The following BABAM2 variants were observed in gnomAD, a reference collection of about 807,000 sequenced individuals.
BABAM2 encodes BRISC and BRCA1-A complex member 2.
BABAM2 carries 31 observed loss-of-function variants against 54.7 expected under a neutral mutation model. That is an observed-to-expected ratio of 0.57 (90% CI 0.43 to 0.77). The LOEUF is 0.77. Among genes scored for constraint, BABAM2 ranks in the 30% least tolerant of loss-of-function variants. BABAM2 has a pLI of 0.00. For missense variants in BABAM2, 364 were observed against 455.8 expected (o/e 0.80, Z 1.83); for synonymous variants, 167 against 162.9 (o/e 1.03, Z -0.19).
chr2:28,105,322 TGA>T (rs1667426902), intron 6 of BABAM2, among the ~76,000 whole-genome samples: 1 of 152,250 alleles, frequency 6.6e-6, no homozygotes, highest in Admixed American at 6.5e-5. Flanking sequence ...AACTAGTATG[TGA>T]GAGAGTCCTA....
At chr2:28,057,065 C>T (rs984234740) in intron 6 of BABAM2, among the ~76,000 whole-genome samples, 2 of 152,154 alleles carry the variant, frequency 1.3e-5, no homozygotes, top group African/African-American at 4.8e-5. Context: ...ATTCTTAGTC[C>T]TTTGCACTTT....
Position 28,045,803 on chromosome 2 carries a change from A to G in BABAM2, c.570+4A>G. 1 of 1,600,324 alleles carries G rather than the reference A, an allele frequency of 6.2e-7. No individual in the cohort carries two copies. Among genetic ancestry groups the G allele is most frequent in the Non-Finnish European group, 8.5e-7 (1 of 1,170,206 alleles). The stretch of plus-strand genomic sequence containing the variant: ...TATCCCCACATACCTTCTCAAGGTA[A>G]AAATATATGATTTTCAGTATGAGAA... On this transcript the variant is annotated splice_donor_region_variant and intron_variant, in intron 6 of 11. Transcript: ENST00000379624.
At chr2:27,908,500 T>G (rs1484071887) in intron 2 of BABAM2, among the ~76,000 whole-genome samples, 1 of 152,124 alleles carries the variant, frequency 6.6e-6, no homozygotes, top group East Asian at 1.9e-4. Context: ...CTCGAACTCT[T>G]GGACTCAAGC....
intron 6 of BABAM2, among the ~76,000 whole-genome samples, chr2:28,074,995 G>A (rs769493820): frequency 2.6e-5 from 4 of 152,166 alleles, no homozygotes; most frequent in African/African-American, 4.8e-5. Context: ...AGGAGGGCAA[G>A]TTGATGGAGC....
At chr2:28,299,340 T>C (rs1289663047) in intron 11 of BABAM2, among the ~76,000 whole-genome samples, 2 of 152,238 alleles carry the variant, frequency 1.3e-5, no homozygotes, top group African/African-American at 4.8e-5. Context: ...GAGTGTTTTT[T>C]ATATTTAAGA....
chr2:28,246,589 G>A (rs11127135), intron 10 of BABAM2, among the ~76,000 whole-genome samples: 123,812 of 152,090 alleles, frequency 0.81, 51,919 homozygotes, highest in East Asian at 1. Context: ...GACAATTGCA[G>A]ACACTAAGAT....
chr2:28,199,755 G>T (rs1678053292), intron 7 of BABAM2, among the ~76,000 whole-genome samples: 1 of 152,128 alleles, frequency 6.6e-6, no homozygotes, highest in South Asian at 2.1e-4. Context: ...GTGGGCAGCA[G>T]TGGAAGTTTG....
intron 7 of BABAM2, among the ~76,000 whole-genome samples, chr2:28,217,714 T>G (rs1680041924): frequency 6.6e-6 from 1 of 152,308 alleles, no homozygotes; most frequent in South Asian, 2.1e-4. Flanking sequence ...ATCTCCATGC[T>G]TTTACTTGGG....
At chr2:28,198,478 A>G (rs1432943252) in intron 7 of BABAM2, among the ~76,000 whole-genome samples, 1 of 152,066 alleles carries the variant, frequency 6.6e-6, no homozygotes, top group Non-Finnish European at 1.5e-5. Context: ...GACAGCTTTA[A>G]AGGAAATTTG....
At chr2:28,017,911 G>A (rs546117554) in intron 4 of BABAM2, among the ~76,000 whole-genome samples, 230 of 152,312 alleles carry the variant, frequency 1.5e-3, no homozygotes, top group South Asian at 2.7e-3. Flanking sequence ...ATCATTGGTT[G>A]ATGGACATTT....
intron 7 of BABAM2, among the ~76,000 whole-genome samples, chr2:28,131,476 G>A (rs975281811): frequency 6.6e-6 from 1 of 152,182 alleles, no homozygotes; most frequent in Non-Finnish European, 1.5e-5. Flanking sequence ...AGGGCTCTGA[G>A]TCAAGCAGAT....
intron 6 of BABAM2, among the ~76,000 whole-genome samples, chr2:28,095,976 A>G: frequency 6.6e-6 from 1 of 152,180 alleles, no homozygotes; most frequent in East Asian, 1.9e-4. Context: ...GGGAACTTAA[A>G]TATTTCTAAG....
At chr2:28,224,788 A>G (rs904169388) in intron 7 of BABAM2, among the ~76,000 whole-genome samples, 1 of 148,882 alleles carries the variant, frequency 6.7e-6, no homozygotes, top group African/African-American at 2.5e-5. Context: ...ACACACCACC[A>G]CATTGTTAGC....
intron 7 of BABAM2, among the ~76,000 whole-genome samples, chr2:28,227,013 G>A (rs921368891): frequency 6.6e-6 from 1 of 152,132 alleles, no homozygotes; most frequent in Admixed American, 6.5e-5. Context: ...TTGCTTGTGA[G>A]CAGGTTGAGT....
chr2:27,894,836 A>G, intron 2 of BABAM2, 152 bp downstream of exon 2: 1 of 789,866 alleles, frequency 1.3e-6, no homozygotes, highest in Non-Finnish European at 1.9e-6. Flanking sequence ...GGTTTTGTTC[A>G]GTTCTTGACA....
chr2:28,108,431 C>T (rs1438647156), intron 6 of BABAM2, among the ~76,000 whole-genome samples: 4 of 152,150 alleles, frequency 2.6e-5, no homozygotes, highest in Admixed American at 6.5e-5. Flanking sequence ...TGTTCATAAG[C>T]ACGAAACTAT....
At chr2:28,128,259 C>T (rs1024392509) in intron 6 of BABAM2, among the ~76,000 whole-genome samples, 1 of 152,314 alleles carries the variant, frequency 6.6e-6, no homozygotes, top group South Asian at 2.1e-4. Flanking sequence ...AAGTGTTTAA[C>T]ACATATTAAG....
rs561119988 is a variant in BABAM2 at position 28,332,385 on chromosome 2, A to G, written c.1089-6065A>G. On this transcript the variant is annotated intron_variant, in intron 11 of 11. Transcript: ENST00000379624. ...ACAAAAGGGTTAAGTGGCTTGCTCA[A>G]GATCACATGGATGATATCTCAGACC... Among the ~76,000 whole-genome samples the G allele has an allele frequency of 3.5e-4, 54 of 152,372 alleles. 1 individual carries two copies. In the South Asian group the frequency reaches 9.5e-3, roughly 27 times the overall value.
intron 6 of BABAM2, among the ~76,000 whole-genome samples, chr2:28,090,446 G>A (rs1666067153): frequency 6.6e-6 from 1 of 152,050 alleles, no homozygotes; most frequent in African/African-American, 2.4e-5. Context: ...GTTTCACCGT[G>A]TTGGCCAGGA....
Sources: gnomAD v4.1 joint callset for allele counts (sites outside exome capture counted in the v4.1 genomes callset) on GRCh38, gnomAD v4.1.1 for gene constraint, MANE v1.5 for transcripts, NCBI Gene and HGNC (gene_info 2026-07-23, HGNC 2026-07-21) for gene names.